Variants in COG5 observed in about 807,000 individuals in gnomAD.
COG5 encodes the protein conserved oligomeric Golgi complex subunit 5.
A neutral mutation model predicts 110.4 loss-of-function variants in COG5; 86 were observed. The ratio of observed to expected loss-of-function variants is 0.78; its 90% CI spans 0.65 to 0.93. The LOEUF (loss-of-function observed/expected upper bound fraction) is 0.93, where lower values mean the gene tolerates loss of function less well. Among genes scored for constraint, COG5 ranks in the 40% least tolerant of loss-of-function variants. The pLI, the probability that COG5 is intolerant of heterozygous loss-of-function variation, is 0.00. For missense variants in COG5, 1,077 were observed against 987.0 expected, an observed-to-expected ratio of 1.09 and a Z score of -1.22; for synonymous variants, 360 against 334.6, an observed-to-expected ratio of 1.08 and a Z score of -0.83.
chr7:107,463,758 A>C (rs1796140784), intron 6 of COG5, among the ~76,000 whole-genome samples: 2 of 152,174 alleles, frequency 1.3e-5, no homozygotes, highest in African/African-American at 4.8e-5. Context: ...AAGACAAGGT[A>C]GCGGGGAAAA....
intron 7 of COG5, among the ~76,000 whole-genome samples, chr7:107,403,731 G>T (rs1240849806): frequency 6.6e-6 from 1 of 152,114 alleles, no homozygotes; most frequent in African/African-American, 2.4e-5. Flanking sequence ...TCCCATTCAA[G>T]AGAGTCCCAC....
chr7:107,269,827 C>G (rs1280448431), intron 14 of COG5, among the ~76,000 whole-genome samples: 1 of 152,118 alleles, frequency 6.6e-6, no homozygotes, highest in Non-Finnish European at 1.5e-5. Flanking sequence ...GAGTGAAGGC[C>G]AAAGCCCTTA....
intron 6 of COG5, among the ~76,000 whole-genome samples, chr7:107,432,101 T>C (rs183748267): frequency 2.0e-5 from 3 of 152,348 alleles, no homozygotes. Context: ...TGATCCTTTG[T>C]ACCCATTACT....
chr7:107,399,681 T>C (rs2129060207), intron 7 of COG5, among the ~76,000 whole-genome samples: 1 of 152,304 alleles, frequency 6.6e-6, no homozygotes, highest in African/African-American at 2.4e-5. Flanking sequence ...AACCGACTAA[T>C]TCAATTTACA....
intron 6 of COG5, among the ~76,000 whole-genome samples, chr7:107,498,289 T>C (rs1316972722): frequency 2.6e-5 from 4 of 152,130 alleles, no homozygotes; most frequent in Admixed American, 1.3e-4. Flanking sequence ...TGCGACTACA[T>C]GAAACTAAAG....
At chr7:107,547,208 G>C (rs901728594) in intron 5 of COG5, among the ~76,000 whole-genome samples, 3 of 151,950 alleles carry the variant, frequency 2.0e-5, no homozygotes, top group South Asian at 2.1e-4. Flanking sequence ...TGGGGTGCAG[G>C]GATAGTTCAA....
At chr7:107,228,967 G>C (rs963994475) in intron 19 of COG5, among the ~76,000 whole-genome samples, 2 of 152,100 alleles carry the variant, frequency 1.3e-5, no homozygotes, top group African/African-American at 4.8e-5. Context: ...CTAGTTTCCA[G>C]TACTGAGTTG....
intron 6 of COG5, among the ~76,000 whole-genome samples, chr7:107,428,377 C>T (rs145706527): frequency 7.2e-5 from 11 of 152,040 alleles, no homozygotes; most frequent in African/African-American, 2.7e-4. Context: ...ACATTTGGAC[C>T]CAGCTACAGA....
At position 107,556,561 on chromosome 7, in the gene COG5, CCT is replaced by C. The variant is rs111721299; in HGVS notation, c.234+1413_234+1414del. ...AGGTGGTTCTTGCAAAAAGCCACCC[CCT>C]GAGAACTCTAGACAAAACTAAATAC... On this transcript the variant is annotated intron_variant, in intron 2 of 21. Coordinates refer to ENST00000297135, the MANE Select transcript of COG5 (RefSeq NM_006348.5). 7.2e-5 allele frequency among the ~76,000 whole-genome samples: 11 copies of C among 152,266 alleles called. 3 individuals carry two copies. Among genetic ancestry groups the C allele is most frequent in the African/African-American group, 2.6e-4 (11 of 41,542 alleles).
chr7:107,330,224 G>C (rs1288004975), intron 10 of COG5, among the ~76,000 whole-genome samples: 1 of 152,054 alleles, frequency 6.6e-6, no homozygotes, highest in Non-Finnish European at 1.5e-5. Context: ...CTTGTTTCTT[G>C]GTTATAAATA....
chr7:107,518,896 C>A (rs976708396), intron 6 of COG5, among the ~76,000 whole-genome samples: 5 of 152,164 alleles, frequency 3.3e-5, no homozygotes, highest in African/African-American at 7.2e-5. Flanking sequence ...TAAAATCAAC[C>A]TCATAATTGG....
chr7:107,246,643 G>A (rs1326889521), intron 17 of COG5, among the ~76,000 whole-genome samples: 2 of 152,156 alleles, frequency 1.3e-5, no homozygotes, highest in African/African-American at 2.4e-5. Context: ...CTGATCATTA[G>A]AGAAATGCAA....
Position 107,203,273 on chromosome 7 carries a change from A to G in COG5, c.*243T>C. The G allele has an allele frequency of 3.8e-6, 2 of 528,002 alleles. No homozygotes were observed. Among genetic ancestry groups the G allele is most frequent in the South Asian group, 4.2e-5 (2 of 48,106 alleles). The allele number at this position is 528,002 out of a possible 1,614,324, so 32.7% of individuals were successfully genotyped here. A position where few individuals can be genotyped will look rare whatever the true frequency, so the allele number is the denominator to read the frequency against. On this transcript the variant is annotated 3_prime_UTR_variant, in exon 22 of 22. Coordinates refer to ENST00000297135, the MANE Select transcript of COG5 (RefSeq NM_006348.5). ...AAAGACATTTTAGCCTTGTACAAAAATCTGAAAGAGGAAAACATCTTTCTG... is the reference window on the plus strand; with the variant it reads ...AAAGACATTTTAGCCTTGTACAAAAGTCTGAAAGAGGAAAACATCTTTCTG...
chr7:107,357,555 A>C lies in COG5; in HGVS notation c.1026+4478T>G, dbSNP rs899015983. Among the ~76,000 whole-genome samples the C allele has an allele frequency of 3.3e-4, 50 of 152,200 alleles. 2 individuals carry two copies. On this transcript the variant is annotated intron_variant, in intron 10 of 21. Coordinates refer to ENST00000297135, the MANE Select transcript of COG5 (RefSeq NM_006348.5). ...CAGCAATCTTTAATGGTTTTATTTT[A>C]ATGAGAAGTTTTTTAAGTACATGAA...
chr7:107,287,234 T>A (rs1001334324), intron 12 of COG5, among the ~76,000 whole-genome samples: 2 of 152,216 alleles, frequency 1.3e-5, no homozygotes, highest in African/African-American at 4.8e-5. Flanking sequence ...AGTGTTATGG[T>A]TAGGCCCTTG....
chr7:107,275,643 C>T (rs1469123575), intron 14 of COG5, among the ~76,000 whole-genome samples: 1 of 151,988 alleles, frequency 6.6e-6, no homozygotes, highest in African/African-American at 2.4e-5. Context: ...GCAACCTCCG[C>T]CTCCTGGGTT....
chr7:107,348,074 C>T (rs1811783839), intron 10 of COG5, among the ~76,000 whole-genome samples: 1 of 135,370 alleles, frequency 7.4e-6, no homozygotes, highest in African/African-American at 2.8e-5. Context: ...TGCAGTGACC[C>T]GAGACTGCAC....
At chr7:107,355,284 G>C (rs1302825732) in intron 10 of COG5, among the ~76,000 whole-genome samples, 1 of 152,178 alleles carries the variant, frequency 6.6e-6, no homozygotes, top group Non-Finnish European at 1.5e-5. Flanking sequence ...CAAGGATGGG[G>C]AACAAAAGTA....
Position 107,344,289 on chromosome 7 carries a change from C to T in COG5, c.1026+17744G>A, listed in dbSNP as rs1021902003. ...TTCTACATTAGCACTTGCTGCTTCACGTTGTATTTTTATGTTACAGGAGTA... is the reference window on the plus strand; with the variant it reads ...TTCTACATTAGCACTTGCTGCTTCATGTTGTATTTTTATGTTACAGGAGTA... On this transcript the variant is annotated intron_variant, in intron 10 of 21. Transcript: ENST00000297135. Among the ~76,000 whole-genome samples, 9 of 152,314 alleles carry T rather than the reference C, an allele frequency of 5.9e-5. No individual in the cohort carries two copies. In the East Asian group the frequency reaches 1.3e-3, roughly 23 times the overall value.
Sources: allele counts gnomAD v4.1 joint callset (sites outside exome capture counted in the v4.1 genomes callset), GRCh38; gene constraint gnomAD v4.1.1; transcripts MANE v1.5; gene names NCBI Gene and HGNC (gene_info 2026-07-23, HGNC 2026-07-21).